PRCD: variants seen among roughly 807,000 people sequenced by gnomAD.
The protein encoded by PRCD is photoreceptor disc component, also known as photoreceptor disk component PRCD.
PRCD carries 12 observed loss-of-function variants against 10.1 expected under a neutral mutation model. That is an observed-to-expected ratio of 1.18 (90% CI 0.76 to 1.92). The LOEUF is 1.92. PRCD is among the 40% of genes most tolerant of loss of function. The probability of loss-of-function intolerance (pLI) is 0.00; values close to 1 mark genes in which losing one functional copy is unlikely to be tolerated. For synonymous variants in PRCD, 31 were observed against 26.2 expected (o/e 1.18, Z -0.56); for missense variants, 61 against 72.2 (o/e 0.84, Z 0.56).
downstream of PRCD, among the ~76,000 whole-genome samples, chr17:76,547,796 A>C (rs2075067463): frequency 6.6e-6 from 1 of 150,668 alleles, no homozygotes; most frequent in East Asian, 1.9e-4. Flanking sequence ...AGACATACAC[A>C]CATTCACAGA....
rs77265380 is a variant in PRCD, at chr17:76,530,655, G to A, written n.45+2822G>A. Reference sequence around the variant, plus strand: ...CCGAGCCTGATGATCGGACCTTACCGCCAGGAGCCTCTGGCGCCTCTCTGC... The same window carrying A: ...CCGAGCCTGATGATCGGACCTTACCACCAGGAGCCTCTGGCGCCTCTCTGC... On this transcript the variant is annotated intron_variant and non_coding_transcript_variant, in intron 1 of 4. Transcript: ENST00000397633. The surrounding 1 kb of genome is among the most constrained non-coding windows in gnomAD (Gnocchi z 6.1). Among the ~76,000 whole-genome samples, 3,910 of 152,266 alleles carry A rather than the reference G, an allele frequency of 0.026. 168 individuals carry two copies. Among genetic ancestry groups the A allele is most frequent in the African/African-American group, 0.086 (3,565 of 41,524 alleles).
rs528732567 is a variant in PRCD at position 76,545,141 on chromosome 17, C to T, written c.*1491C>T. On this transcript the variant is annotated 3_prime_UTR_variant, in exon 5 of 5. Coordinates refer to ENST00000592014, the MANE Select transcript of PRCD (RefSeq NM_001077620.3). ...ACACCTTCCCCGCACACCCAGCCCA[C>T]GCTCGCCTCTTATTCCCGGGGCCTC... The T allele has an allele frequency of 5.5e-5, 25 of 456,654 alleles. No homozygotes were observed. In the East Asian group the frequency reaches 9.7e-4, roughly 18 times the overall value. The allele number at this position is 456,654 out of a possible 1,614,324, so 28.3% of individuals were successfully genotyped here.
At position 76,543,020 on chromosome 17, in the gene PRCD, C is replaced by G. The variant is rs1355047754; in HGVS notation, c.*60-9C>G. On this transcript the variant is annotated splice_polypyrimidine_tract_variant and intron_variant, in intron 3 of 4. Transcript: ENST00000592014. Reference sequence around the variant, plus strand: ...AGAAGTGCTGATCTGCTCTGGTTTTCTGTTTCAGCTCAGGTCCTGGTTCGT... The same window carrying G: ...AGAAGTGCTGATCTGCTCTGGTTTTGTGTTTCAGCTCAGGTCCTGGTTCGT... The G allele has an allele frequency of 2.1e-6, 1 of 475,882 alleles. No individual in the cohort carries two copies. Among genetic ancestry groups the G allele is most frequent in the East Asian group, 6.8e-5 (1 of 14,676 alleles). The allele number at this position is 475,882 out of a possible 1,614,324, so 29.5% of individuals were successfully genotyped here.
Position 76,531,245 on chromosome 17 carries a change from C to A in PRCD, n.45+3412C>A. The A allele has an allele frequency of 7.4e-7, 1 of 1,349,384 alleles. No homozygotes were observed. The highest frequency in any genetic ancestry group is 1.0e-6 in the Non-Finnish European group (1 of 982,672). The allele number at this position is 1,349,384 out of a possible 1,614,324, so 83.6% of individuals were successfully genotyped here. ...GTGTGGCCGAGAGGATCATTCCTAA[C>A]GCAACAGTCTGGCAGCTTTGGGAAC... is the stretch of plus-strand genomic sequence containing the variant. On this transcript the variant is annotated intron_variant and non_coding_transcript_variant, in intron 1 of 4. Coordinates refer to the PRCD transcript ENST00000397633. The surrounding 1 kb of genome is among the most constrained non-coding windows in gnomAD (Gnocchi z 7.4).
At chr17:76,535,049 G>T (rs538562666), upstream of PRCD, among the ~76,000 whole-genome samples, 1 of 152,252 alleles carries the variant, frequency 6.6e-6, no homozygotes, top group African/African-American at 2.4e-5. Flanking sequence ...GTGTGAGGAG[G>T]AAGGTGTCAG....
chr17:76,531,203 A>G lies in PRCD; in HGVS notation n.45+3370A>G. ...GGGCGCCCTGCGTCCTGCAACCCCC[A>G]GGCCCCTCCGCCCCACGTGTGGCCG... is the stretch of plus-strand genomic sequence containing the variant. On this transcript the variant is annotated intron_variant and non_coding_transcript_variant, in intron 1 of 4. Transcript: ENST00000397633. This position sits in a 1 kb window ranked among gnomAD's most constrained non-coding sequence, Gnocchi z 7.4. 1 of 1,539,952 alleles carries G rather than the reference A, an allele frequency of 6.5e-7. No individual in the cohort carries two copies. Among genetic ancestry groups the G allele is most frequent in the African/African-American group, 1.4e-5 (1 of 73,184 alleles).
rs772423009 is a variant in PRCD, at chr17:76,540,260, G to C, written c.74+45G>C. The C allele has an allele frequency of 2.7e-5, 25 of 933,216 alleles. No individual in the cohort carries two copies. The South Asian group carries it at 3.0e-4, about 11-fold the overall frequency. 57.8% of individuals were successfully genotyped at this position (933,216 alleles called of 1,614,324 possible). Reference sequence around the variant, plus strand: ...ATGGCTGGCGGTTGGTCGGGGGGGGGGGGCATGGGGCTGGGCTGCCACCAA... The same window carrying C: ...ATGGCTGGCGGTTGGTCGGGGGGGGCGGGCATGGGGCTGGGCTGCCACCAA... On this transcript the variant is annotated intron_variant, in intron 1 of 4. Coordinates refer to ENST00000592014, the MANE Select transcript of PRCD (RefSeq NM_001077620.3). The surrounding 1 kb of genome is among the most constrained non-coding windows in gnomAD (Gnocchi z 5.0).
intron 2 of PRCD, among the ~76,000 whole-genome samples, chr17:76,541,709 C>T (rs1319989502): frequency 6.6e-6 from 1 of 152,180 alleles, no homozygotes; most frequent in Non-Finnish European, 1.5e-5. Context: ...GCTACAATGA[C>T]CACCCCTGGG....
At chr17:76,549,478 TAGTA>T (rs2143212958), downstream of PRCD, among the ~76,000 whole-genome samples, 1 of 152,318 alleles carries the variant, frequency 6.6e-6, no homozygotes, top group Non-Finnish European at 1.5e-5. Flanking sequence ...AGGCCGACCA[TAGTA>T]AGTACTGTCC....
At chr17:76,537,955 GC>G (rs1484241800), upstream of PRCD, 1 of 151,200 alleles carries the variant, frequency 6.6e-6, no homozygotes, top group Non-Finnish European at 1.5e-5. Context: ...GGTAGGTGTG[GC>G]CGGGGCGCTG....
chr17:76,532,606 G>C (rs889027356), intron 1 of PRCD, among the ~76,000 whole-genome samples: 1 of 146,380 alleles, frequency 6.8e-6, no homozygotes, highest in Non-Finnish European at 1.5e-5. Flanking sequence ...ATCTTGGCTC[G>C]CTGCAACCTC....
chr17:76,538,327 G>C (rs1407366270), upstream of PRCD: 4 of 323,884 alleles, frequency 1.2e-5, no homozygotes, highest in African/African-American at 2.3e-5. Context: ...TGGGGGGTTA[G>C]CACGGGGGTC....
At chr17:76,529,153 C>A in intron 1 of PRCD, 1 of 981,312 alleles carries the variant, frequency 1.0e-6, no homozygotes, top group Non-Finnish European at 1.2e-6. Context: ...AGAAGTTGGG[C>A]GAGGGCCTTC....
rs2143173201 is a variant in PRCD at position 76,544,102 on chromosome 17, T to G, written c.*452T>G. Reference sequence around the variant, plus strand: ...AATCCTGCATGATCCTGAGCAGAGATAAAAGCAGATTTCCGCTTCTGCTCC... The same window carrying G: ...AATCCTGCATGATCCTGAGCAGAGAGAAAAGCAGATTTCCGCTTCTGCTCC... On this transcript the variant is annotated 3_prime_UTR_variant, in exon 5 of 5. Coordinates refer to ENST00000592014, the MANE Select transcript of PRCD (RefSeq NM_001077620.3). 1 of 454,596 alleles carries G rather than the reference T, an allele frequency of 2.2e-6. No homozygotes were observed. The highest frequency in any genetic ancestry group is 4.4e-6 in the Non-Finnish European group (1 of 226,958). 28.2% of individuals were successfully genotyped at this position (454,596 alleles called of 1,614,324 possible).
At chr17:76,546,064 C>G (rs1044041163), downstream of PRCD, 4 of 152,598 alleles carry the variant, frequency 2.6e-5, no homozygotes, top group African/African-American at 9.7e-5. This position sits in a 1 kb window ranked among gnomAD's most constrained non-coding sequence, Gnocchi z 4.5. Flanking sequence ...CAGCGCCACT[C>G]CCAGCTGGCT....
chr17:76,551,623 T>A (rs1343134668), intron 1 of PRCD: 2 of 152,226 alleles, frequency 1.3e-5, no homozygotes, highest in African/African-American at 4.8e-5. Context: ...ATCTGCATGA[T>A]CCCAGCTTTC....
At chr17:76,537,764 G>C (rs1450623633), upstream of PRCD, 1 of 171,382 alleles carries the variant, frequency 5.8e-6, no homozygotes, top group Non-Finnish European at 1.2e-5. Context: ...GACAGCCAGC[G>C]GTGGGGCGGG....
chr17:76,530,654 C>T lies in PRCD; in HGVS notation n.45+2821C>T, dbSNP rs1044482814. ...TCCGAGCCTGATGATCGGACCTTACCGCCAGGAGCCTCTGGCGCCTCTCTG... is the reference window on the plus strand; with the variant it reads ...TCCGAGCCTGATGATCGGACCTTACTGCCAGGAGCCTCTGGCGCCTCTCTG... On this transcript the variant is annotated intron_variant and non_coding_transcript_variant, in intron 1 of 4. Coordinates refer to the PRCD transcript ENST00000397633. This position sits in a 1 kb window ranked among gnomAD's most constrained non-coding sequence, Gnocchi z 6.1. Among the ~76,000 whole-genome samples, 6 of 152,160 alleles carry T rather than the reference C, an allele frequency of 3.9e-5. No individual in the cohort carries two copies. The highest frequency in any genetic ancestry group is 6.5e-5 in the Admixed American group (1 of 15,282).
In PRCD at chr17:76,530,194, T is replaced by A. The variant is rs1385129366; in HGVS notation, n.45+2361T>A. ...CTTCCCATTCCCGCCTCCGCTCCTC[T>A]CCTCCTTCCTACTCCAGCCCTGCCT... On this transcript the variant is annotated intron_variant and non_coding_transcript_variant, in intron 1 of 4. Coordinates refer to the PRCD transcript ENST00000397633. This position sits in a 1 kb window ranked among gnomAD's most constrained non-coding sequence, Gnocchi z 6.1. 6.6e-6 allele frequency among the ~76,000 whole-genome samples: 1 copy of A among 151,988 alleles called. No individual in the cohort carries two copies. Among genetic ancestry groups the A allele is most frequent in the Non-Finnish European group, 1.5e-5 (1 of 67,976 alleles).
Sources: gnomAD v4.1 joint callset for allele counts (sites outside exome capture counted in the v4.1 genomes callset) on GRCh38, gnomAD v4.1.1 for gene constraint, Gnocchi (gnomAD v3.1) non-coding constraint, MANE v1.5 for transcripts, NCBI Gene and HGNC (gene_info 2026-07-23, HGNC 2026-07-21) for gene names.